MED14: variants seen among roughly 807,000 people sequenced by gnomAD.
The protein encoded by MED14 is mediator of RNA polymerase II transcription subunit 14.
Under a neutral mutation model 109.0 loss-of-function variants are expected in MED14, and 8 were observed. That is an observed-to-expected ratio of 0.07 (90% CI 0.04 to 0.13). The LOEUF (loss-of-function observed/expected upper bound fraction) is 0.13, where lower values mean the gene tolerates loss of function less well. Among genes scored for constraint, MED14 ranks in the 10% least tolerant of loss-of-function variants. The probability of loss-of-function intolerance (pLI) is 1.00; values close to 1 mark genes in which losing one functional copy is unlikely to be tolerated. For missense variants in MED14, 711 were observed against 1,142.4 expected (o/e 0.62, Z 5.44); for synonymous variants, 399 against 408.7 (o/e 0.98, Z 0.29).
intron 10 of MED14, among the ~76,000 whole-genome samples, chrX:40,706,963 T>C (rs1302434288): frequency 8.9e-6 from 1 of 112,071 alleles, no homozygotes; most frequent in Non-Finnish European, 1.9e-5. Flanking sequence ...CTTAAAGTCT[T>C]CTTTAAGAAC....
chrX:40,651,029 T>A lies in MED14; in HGVS notation c.*777A>T, dbSNP rs1928846865. 4.0e-6 allele frequency: 3 copies of A among 753,641 alleles called. No homozygotes were observed. The South Asian group carries it at 2.0e-4, about 51-fold the overall frequency. 62.1% of individuals were successfully genotyped at this position (753,641 alleles called of 1,213,427 possible). A position where few individuals can be genotyped will look rare whatever the true frequency, so the allele number is the denominator to read the frequency against. On this transcript the variant is annotated 3_prime_UTR_variant, in exon 31 of 31. Transcript: ENST00000324817. The stretch of plus-strand genomic sequence containing the variant: ...TACTGTCCCTTCTCAAAGACTAAGT[T>A]CCTTATTTTTCACCCAAATCCTATA...
At chrX:40,696,666 T>G (rs1930736634) in intron 13 of MED14, among the ~76,000 whole-genome samples, 1 of 111,866 alleles carries the variant, frequency 8.9e-6, no homozygotes, top group Non-Finnish European at 1.9e-5. Context: ...AGTCCATATT[T>G]GAAAGGTTTC....
At chrX:40,682,376 T>C (rs768134262) in intron 18 of MED14, among the ~76,000 whole-genome samples, 2 of 112,180 alleles carry the variant, frequency 1.8e-5, no homozygotes, top group South Asian at 3.7e-4. Context: ...ACTATTATTA[T>C]GATATGGTAT....
chrX:40,700,357 C>G lies in MED14; in HGVS notation c.1490+808G>C, dbSNP rs973986366. ...GCCTTGGTGGCAACAAAGTAAAACCCTGTCTCAAAAAAAAAAAAAAAAAAA... is the reference window on the plus strand; with the variant it reads ...GCCTTGGTGGCAACAAAGTAAAACCGTGTCTCAAAAAAAAAAAAAAAAAAA... On this transcript the variant is annotated intron_variant, in intron 12 of 30. Transcript: ENST00000324817. 9.3e-5 allele frequency among the ~76,000 whole-genome samples: 6 copies of G among 64,470 alleles called. 1 individual carries two copies. In the South Asian group the frequency reaches 5.1e-3, roughly 55 times the overall value. The allele number at this position is 64,470 out of a possible 115,157, so 56.0% of individuals were successfully genotyped here. A position where few individuals can be genotyped will look rare whatever the true frequency, so the allele number is the denominator to read the frequency against.
intron 21 of MED14, among the ~76,000 whole-genome samples, chrX:40,675,746 C>T (rs1929889067): frequency 8.9e-6 from 1 of 112,127 alleles, no homozygotes; most frequent in Non-Finnish European, 1.9e-5. Context: ...TGAGCCATCT[C>T]ACTTTTTAAA....
chrX:40,688,414 C>T lies in MED14; in HGVS notation c.2057+40G>A, dbSNP rs1280576531. The T allele has an allele frequency of 5.0e-6, 5 of 1,000,193 alleles. No homozygotes were observed. The African/African-American group carries it at 5.6e-5, about 11-fold the overall frequency. 82.4% of individuals were successfully genotyped at this position (1,000,193 alleles called of 1,213,427 possible). On this transcript the variant is annotated intron_variant, in intron 16 of 30. Transcript: ENST00000324817. ...AGAAGCAGCTTTCAGAGTGTGACTG[C>T]AACATGTGGCACCAAGTGAAACATA...
At chrX:40,672,016 C>T (rs958006188) in intron 22 of MED14, 44 bp from the exon 23 acceptor site, 4 of 835,716 alleles carry the variant, frequency 4.8e-6, no homozygotes, top group Non-Finnish European at 5.3e-6. Flanking sequence ...GCCAACCGCA[C>T]GGAGCATAAG....
intron 3 of MED14, among the ~76,000 whole-genome samples, chrX:40,718,908 T>A (rs1931628662): frequency 8.9e-6 from 1 of 111,949 alleles, no homozygotes; most frequent in South Asian, 3.7e-4. Context: ...TCACATAGTC[T>A]TAGTTCACAA....
intron 3 of MED14, 199 bp downstream of exon 3, chrX:40,726,547 C>G: frequency 2.8e-6 from 1 of 363,341 alleles, no homozygotes; most frequent in East Asian, 4.5e-5. Flanking sequence ...ATGTCTCCAG[C>G]TATCTCCTCT....
intron 1 of MED14, among the ~76,000 whole-genome samples, chrX:40,730,836 T>TA (rs1180770507): frequency 1.2e-5 from 1 of 84,904 alleles, no homozygotes; most frequent in Non-Finnish European, 2.2e-5. Context: ...AAAAGAAGTT[T>TA]AAAAAAAAGG....
At chrX:40,731,340 C>T (rs944504930) in intron 1 of MED14, among the ~76,000 whole-genome samples, 2 of 110,980 alleles carry the variant, frequency 1.8e-5, no homozygotes, top group Admixed American at 1.9e-4. Context: ...ACACAAGCAT[C>T]ACATATTACT....
At chrX:40,734,247 C>T (rs1371830078) in intron 1 of MED14, among the ~76,000 whole-genome samples, 3 of 112,074 alleles carry the variant, frequency 2.7e-5, no homozygotes, top group Non-Finnish European at 5.6e-5. Context: ...GCTTCTTTAA[C>T]ACTACTTTTT....
At chrX:40,687,203 A>G (rs1393490638) in intron 16 of MED14, among the ~76,000 whole-genome samples, 3 of 111,537 alleles carry the variant, frequency 2.7e-5, no homozygotes, top group African/African-American at 9.8e-5. Flanking sequence ...CACTGCCACC[A>G]TCCATCATTT....
chrX:40,735,153 C>A (rs1602502448), intron 1 of MED14, 45 bp downstream of exon 1: 2 of 821,451 alleles, frequency 2.4e-6, no homozygotes, highest in African/African-American at 5.8e-5. Context: ...GCCGGTTGGG[C>A]GGGAAGGGGG....
chrX:40,727,010 T>C (rs763885815), intron 2 of MED14, among the ~76,000 whole-genome samples, 159 bp from the exon 3 acceptor site: 1 of 112,383 alleles, frequency 8.9e-6, no homozygotes, highest in East Asian at 2.8e-4. Flanking sequence ...TGAACTATTG[T>C]CACATTTTGT....
At chrX:40,701,305 T>A in intron 11 of MED14, 62 bp from the exon 12 acceptor site, 1 of 718,451 alleles carries the variant, frequency 1.4e-6, no homozygotes, top group Non-Finnish European at 2.1e-6. Flanking sequence ...TTTATCTAGG[T>A]AGTGTAAAAC....
At position 40,718,967 on chromosome X, in the gene MED14, T is replaced by C. The variant is rs186113948; in HGVS notation, c.349-4257A>G. 2.7e-3 allele frequency among the ~76,000 whole-genome samples: 303 copies of C among 112,440 alleles called. 2 individuals are homozygous for C. Among genetic ancestry groups the C allele is most frequent in the African/African-American group, 9.3e-3 (288 of 30,967 alleles). ...GGTATTCACACACCAGCTGTGAATA[T>C]GTTTAATAATAATCTCCTTTAGAAT... On this transcript the variant is annotated intron_variant, in intron 3 of 30. Transcript: ENST00000324817.
chrX:40,707,414 G>A (rs1931192788), intron 10 of MED14, among the ~76,000 whole-genome samples: 1 of 111,408 alleles, frequency 9.0e-6, no homozygotes, highest in Non-Finnish European at 1.9e-5. Context: ...TACAAGACCC[G>A]GCCATTACAC....
At chrX:40,663,885 G>T (rs749346631) in intron 25 of MED14, among the ~76,000 whole-genome samples, 1 of 111,718 alleles carries the variant, frequency 9.0e-6, no homozygotes, top group South Asian at 3.8e-4. Flanking sequence ...CTTCAAAGTG[G>T]TTAAGTGTCC....
Sources: allele counts gnomAD v4.1 joint callset (sites outside exome capture counted in the v4.1 genomes callset), GRCh38; gene constraint gnomAD v4.1.1; transcripts MANE v1.5; gene names NCBI Gene and HGNC (gene_info 2026-07-23, HGNC 2026-07-21).